Variants in DNM3 observed in about 807,000 individuals in gnomAD.
DNM3 encodes the protein dynamin-3.
DNM3 carries 47 observed loss-of-function variants against 101.6 expected under a neutral mutation model. That is an observed-to-expected ratio of 0.46 (90% confidence interval 0.37 to 0.59). The LOEUF is 0.59. Ranked by LOEUF, DNM3 falls within the 20% of genes least tolerant of loss-of-function variation. The pLI, the probability that DNM3 is intolerant of heterozygous loss-of-function variation, is 0.00. For synonymous variants in DNM3, 385 were observed against 387.9 expected, an observed-to-expected ratio of 0.99 and a Z score of 0.09; for missense variants, 849 against 1,085.7, an observed-to-expected ratio of 0.78 and a Z score of 3.06.
At chr1:171,848,844 G>A (rs911892942) in intron 1 of DNM3, among the ~76,000 whole-genome samples, 5 of 152,156 alleles carry the variant, frequency 3.3e-5, no homozygotes, top group Non-Finnish European at 7.3e-5. Flanking sequence ...AGTTGTTGAG[G>A]AAAATGATGA....
At chr1:172,415,660 G>C (rs1201492470), downstream of DNM3, among the ~76,000 whole-genome samples, 1 of 150,512 alleles carries the variant, frequency 6.6e-6, no homozygotes, top group African/African-American at 2.5e-5. Flanking sequence ...CTCCCCAGTA[G>C]CTAGGATTAC....
At chr1:172,375,179 G>A (rs2068536422) in intron 17 of DNM3, among the ~76,000 whole-genome samples, 1 of 152,082 alleles carries the variant, frequency 6.6e-6, no homozygotes, top group African/African-American at 2.4e-5. Context: ...TGATGATGGT[G>A]TTACAGAATT....
At chr1:172,392,917 AT>A (rs2069651044) in intron 20 of DNM3, among the ~76,000 whole-genome samples, 1 of 152,224 alleles carries the variant, frequency 6.6e-6, no homozygotes, top group South Asian at 2.1e-4. Context: ...TAAACACAAT[AT>A]GGAAACCAAG....
chr1:172,116,784 C>T (rs2055928944), intron 13 of DNM3, among the ~76,000 whole-genome samples: 1 of 152,070 alleles, frequency 6.6e-6, no homozygotes, highest in South Asian at 2.1e-4. Flanking sequence ...GAGAGAAGAC[C>T]GTATGGTATT....
At chr1:172,416,502 A>G (rs2071429560), downstream of DNM3, among the ~76,000 whole-genome samples, 1 of 152,220 alleles carries the variant, frequency 6.6e-6, no homozygotes, top group South Asian at 2.1e-4. Flanking sequence ...TGTTTCAAGC[A>G]AACATTCTAG....
intron 2 of DNM3, among the ~76,000 whole-genome samples, chr1:171,933,200 TG>T (rs1383084571): frequency 2.0e-5 from 3 of 152,168 alleles, no homozygotes; most frequent in African/African-American, 7.2e-5. Flanking sequence ...TAAGTGAACT[TG>T]TTCATAGAGA....
chr1:171,958,921 T>G (rs2043032436), intron 2 of DNM3, among the ~76,000 whole-genome samples: 1 of 152,232 alleles, frequency 6.6e-6, no homozygotes, highest in Non-Finnish European at 1.5e-5. Context: ...GAATATTATG[T>G]AGCAGTAAAA....
At chr1:172,027,131 A>T (rs1459887346) in intron 4 of DNM3, among the ~76,000 whole-genome samples, 3 of 152,236 alleles carry the variant, frequency 2.0e-5, no homozygotes, top group Non-Finnish European at 2.9e-5. Flanking sequence ...GATACCAGCC[A>T]CTGCAAAAAC....
intron 14 of DNM3, among the ~76,000 whole-genome samples, chr1:172,221,949 T>G (rs1052198406): frequency 3.9e-5 from 6 of 152,136 alleles, no homozygotes; most frequent in African/African-American, 1.4e-4. Flanking sequence ...GTTTATCACA[T>G]AGTAAGCCCT....
intron 10 of DNM3, among the ~76,000 whole-genome samples, chr1:172,063,502 C>T (rs16843771): frequency 0.03 from 4,496 of 151,972 alleles, 141 homozygotes; most frequent in East Asian, 0.17. Context: ...TGTTTTGCTG[C>T]TTTCTCTCAG....
At chr1:172,396,793 C>G (rs1292070344) in intron 20 of DNM3, among the ~76,000 whole-genome samples, 1 of 152,068 alleles carries the variant, frequency 6.6e-6, no homozygotes, top group African/African-American at 2.4e-5. Context: ...ATATAACATT[C>G]ATTTGCAGTA....
At chr1:171,993,583 G>T (rs1361094435) in intron 4 of DNM3, among the ~76,000 whole-genome samples, 9 of 138,750 alleles carry the variant, frequency 6.5e-5, no homozygotes, top group African/African-American at 2.4e-4. Flanking sequence ...CTTGGAGTTT[G>T]TTGACCTTCT....
At chr1:172,347,200 C>G (rs998714466) in intron 17 of DNM3, among the ~76,000 whole-genome samples, 3 of 147,636 alleles carry the variant, frequency 2.0e-5, no homozygotes, top group East Asian at 3.9e-4. Flanking sequence ...AGAAGCCCCC[C>G]CCGCCAAAAA....
chr1:172,306,008 C>T (rs146141893), intron 15 of DNM3, among the ~76,000 whole-genome samples: 3 of 152,272 alleles, frequency 2.0e-5, no homozygotes, highest in African/African-American at 7.2e-5. Context: ...TCGTATTCAA[C>T]ATAGTGTTGG....
chr1:171,858,497 A>G (rs546568125), intron 1 of DNM3, among the ~76,000 whole-genome samples: 3 of 152,284 alleles, frequency 2.0e-5, no homozygotes, highest in Admixed American at 1.3e-4. Flanking sequence ...GAAAAAAAGG[A>G]TTATGATACT....
intron 10 of DNM3, among the ~76,000 whole-genome samples, chr1:172,056,565 A>AC (rs1330780710): frequency 4.6e-5 from 7 of 152,034 alleles, no homozygotes; most frequent in Non-Finnish European, 1.0e-4. Context: ...ACTGGGAGGC[A>AC]CCCCCAAGCA....
At chr1:172,307,167 A>T (rs2064860769) in intron 15 of DNM3, among the ~76,000 whole-genome samples, 1 of 152,232 alleles carries the variant, frequency 6.6e-6, no homozygotes, top group Non-Finnish European at 1.5e-5. Flanking sequence ...CAAAGAACTT[A>T]AACAAATTTT....
At chr1:172,168,476 A>G (rs889095567) in intron 14 of DNM3, among the ~76,000 whole-genome samples, 1 of 151,970 alleles carries the variant, frequency 6.6e-6, no homozygotes, top group African/African-American at 2.4e-5. Flanking sequence ...CCTGATTGAG[A>G]ACAGCTCTCT....
At chr1:172,387,932 T>TA (rs1218483770) in intron 19 of DNM3, among the ~76,000 whole-genome samples, 4 of 151,446 alleles carry the variant, frequency 2.6e-5, no homozygotes, top group East Asian at 2.0e-4. Flanking sequence ...CGGGAAGCTT[T>TA]AAAAAAAAGG....
Sources: gnomAD v4.1 joint callset for allele counts (sites outside exome capture counted in the v4.1 genomes callset) on GRCh38, gnomAD v4.1.1 for gene constraint, MANE v1.5 for transcripts, NCBI Gene and HGNC (gene_info 2026-07-23, HGNC 2026-07-21) for gene names.